Variants in SIL1 observed in about 807,000 individuals in gnomAD.
The protein encoded by SIL1 is nucleotide exchange factor SIL1.
SIL1 carries 40 observed loss-of-function variants against 49.1 expected under a neutral mutation model. That is an observed-to-expected ratio of 0.81 (90% CI 0.63 to 1.06). SIL1 has a LOEUF of 1.06. Among genes scored for constraint, SIL1 ranks in the 50% least tolerant of loss-of-function variants. The pLI is 0.00. For missense variants in SIL1, 500 were observed against 572.6 expected (o/e 0.87, Z 1.29); for synonymous variants, 253 against 250.8 (o/e 1.01, Z -0.08).
Position 138,947,391 on chromosome 5 carries a change from G to A in SIL1, c.1112C>T (p.Pro371Leu). The change falls in exon 10 of 10, where the codon CCA becomes CTA. Residue 371 changes from proline to leucine, a missense_variant. By Grantham distance (98) the Pro-to-Leu change is moderately conservative. Transcript: ENST00000394817. The surrounding 1 kb of genome is among the most constrained non-coding windows in gnomAD (Gnocchi z 4.1). ...GCACCAGCCCTGTTCCCACAGGCCT[G>A]GCAGGAGGTGTACCTGGCGATACTG... Reference protein sequence around the residue: ...LQQYRQVHLLPGLWEQGWCEI... With the variant: ...LQQYRQVHLLLGLWEQGWCEI... The A allele has an allele frequency of 1.2e-6, 2 of 1,613,716 alleles. No homozygotes were observed. The highest frequency in any genetic ancestry group is 2.2e-5 in the South Asian group (2 of 91,082).
chr5:139,099,064 C>T (rs530972495), intron 3 of SIL1, among the ~76,000 whole-genome samples: 2 of 152,000 alleles, frequency 1.3e-5, no homozygotes, highest in Admixed American at 1.3e-4. Flanking sequence ...TGATCTCCCC[C>T]TCTCAGCCTC....
intron 1 of SIL1, among the ~76,000 whole-genome samples, chr5:139,183,840 T>C (rs1037244461): frequency 1.3e-5 from 2 of 152,214 alleles, no homozygotes; most frequent in African/African-American, 2.4e-5. Flanking sequence ...CAATGTTTAC[T>C]CTCTCTGGGA....
chr5:139,128,031 G>A, intron 1 of SIL1, 178 bp from the exon 2 acceptor site: 1 of 633,746 alleles, frequency 1.6e-6, no homozygotes, highest in Non-Finnish European at 3.0e-6. Context: ...GGTGGGTCCA[G>A]CCATCCAACA....
chr5:139,051,850 A>G (rs561584790), intron 3 of SIL1, among the ~76,000 whole-genome samples: 2 of 152,356 alleles, frequency 1.3e-5, no homozygotes, highest in South Asian at 4.1e-4. Flanking sequence ...TTAAAAAGCA[A>G]CTGTGCAGTA....
At chr5:139,142,556 T>G (rs1450387822) in intron 1 of SIL1, among the ~76,000 whole-genome samples, 5 of 152,136 alleles carry the variant, frequency 3.3e-5, no homozygotes, top group Admixed American at 6.5e-5. Flanking sequence ...ATCATTTCAA[T>G]GGATACTGAA....
At position 139,063,190 on chromosome 5, in the gene SIL1, T is replaced by C. The variant is rs367812719; in HGVS notation, c.245-12144A>G. On this transcript the variant is annotated intron_variant, in intron 3 of 9. Transcript: ENST00000394817. ...AGATTGAGACAGCAGTAAAGGATGA[T>C]AGTATTTTGACCAGAAAAACTAGGA... is the stretch of plus-strand genomic sequence containing the variant. Among the ~76,000 whole-genome samples, 11 of 152,326 alleles carry C rather than the reference T, an allele frequency of 7.2e-5. No individual in the cohort carries two copies. In the East Asian group the frequency reaches 7.7e-4, roughly 11 times the overall value.
At chr5:139,061,612 CCTAATGTG>C (rs1368259879) in intron 3 of SIL1, among the ~76,000 whole-genome samples, 1 of 152,136 alleles carries the variant, frequency 6.6e-6, no homozygotes, top group Non-Finnish European at 1.5e-5. Context: ...GTCTGTTTTC[CCTAATGTG>C]CTACATTGTT....
chr5:139,141,529 C>T (rs1751080579), intron 1 of SIL1, among the ~76,000 whole-genome samples: 1 of 151,496 alleles, frequency 6.6e-6, no homozygotes, highest in African/African-American at 2.4e-5. Flanking sequence ...CATGGTGATG[C>T]AACTATGGTC....
chr5:139,103,404 C>A (rs1770634501), intron 3 of SIL1, among the ~76,000 whole-genome samples: 1 of 152,158 alleles, frequency 6.6e-6, no homozygotes, highest in Admixed American at 6.5e-5. Context: ...AACCAGCGTG[C>A]CAGTCAGTCT....
In SIL1 at chr5:138,947,011, T is replaced by G. The variant is rs1191097505; in HGVS notation, c.*106A>C. The G allele has an allele frequency of 1.2e-5, 10 of 858,344 alleles. No homozygotes were observed. The Admixed American group carries it at 1.8e-4, about 15-fold the overall frequency. 53.2% of individuals were successfully genotyped at this position (858,344 alleles called of 1,614,324 possible). On this transcript the variant is annotated 3_prime_UTR_variant, in exon 10 of 10. Coordinates refer to ENST00000394817, the MANE Select transcript of SIL1 (RefSeq NM_022464.5). This position sits in a 1 kb window ranked among gnomAD's most constrained non-coding sequence, Gnocchi z 4.1. ...GGATGGCCTTCAGGTTTCCATTTAA[T>G]GGCCAAGCCAGCACTGCCAAGATGT... is the stretch of plus-strand genomic sequence containing the variant.
chr5:138,962,719 C>T (rs1424304457), intron 7 of SIL1, among the ~76,000 whole-genome samples: 1 of 152,224 alleles, frequency 6.6e-6, no homozygotes, highest in African/African-American at 2.4e-5. Context: ...AAGAAGACCT[C>T]CCACTGAGTG....
chr5:139,035,559 G>T, intron 5 of SIL1: 2 of 484,740 alleles, frequency 4.1e-6, no homozygotes, highest in South Asian at 3.2e-5. Flanking sequence ...AATCTTGGGG[G>T]CCAGTGCCAG....
chr5:139,102,849 G>A (rs1770623576), intron 3 of SIL1, among the ~76,000 whole-genome samples: 1 of 151,932 alleles, frequency 6.6e-6, no homozygotes, highest in East Asian at 1.9e-4. Context: ...TGAGTAGCTG[G>A]GATTACAGGC....
chr5:139,193,466 G>T (rs1321869086), intron 1 of SIL1, among the ~76,000 whole-genome samples: 1 of 152,080 alleles, frequency 6.6e-6, no homozygotes, highest in African/African-American at 2.4e-5. Context: ...TACTCAGGAG[G>T]CTGAAGCACA....
chr5:139,027,463 A>C (rs1208516085), intron 5 of SIL1, among the ~76,000 whole-genome samples: 2 of 152,210 alleles, frequency 1.3e-5, no homozygotes, highest in Admixed American at 6.5e-5. Flanking sequence ...ATAGAAAACT[A>C]TGGGTAAGAG....
At chr5:139,143,336 C>CATATATATAT (rs1462318169) in intron 1 of SIL1, among the ~76,000 whole-genome samples, 11 of 80,478 alleles carry the variant, frequency 1.4e-4, no homozygotes, top group African/African-American at 5.0e-4. Context: ...CACACACACA[C>CATATATATAT]ACACACACAT....
intron 3 of SIL1, among the ~76,000 whole-genome samples, chr5:139,068,673 AAG>A (rs776304159): frequency 0.22 from 31,357 of 143,094 alleles, 3,863 homozygotes; most frequent in Middle Eastern, 0.35. Context: ...AAAAAAAAAA[AAG>A]AAGAGAAAGC....
chr5:139,118,790 C>T (rs932811587), intron 3 of SIL1, among the ~76,000 whole-genome samples: 3 of 152,180 alleles, frequency 2.0e-5, no homozygotes, highest in South Asian at 2.1e-4. Context: ...AGTTTCCTAA[C>T]AGTATACATA....
intron 7 of SIL1, among the ~76,000 whole-genome samples, chr5:138,953,661 G>C (rs1345507638): frequency 6.7e-6 from 1 of 148,994 alleles, no homozygotes; most frequent in Non-Finnish European, 1.5e-5. Flanking sequence ...TGGCGCAGGG[G>C]GGCCTGGGAG....
Sources: gnomAD v4.1 joint callset for allele counts (sites outside exome capture counted in the v4.1 genomes callset) on GRCh38, gnomAD v4.1.1 for gene constraint, Gnocchi (gnomAD v3.1) non-coding constraint, MANE v1.5 for transcripts, NCBI Gene and HGNC (gene_info 2026-07-23, HGNC 2026-07-21) for gene names.